The following DEPDC1B variants were observed in gnomAD, a reference collection of about 807,000 sequenced individuals.
The protein encoded by DEPDC1B is DEP domain-containing protein 1B.
Under a neutral mutation model 66.5 loss-of-function variants are expected in DEPDC1B, and 51 were observed. That is an observed-to-expected ratio of 0.77 (90% confidence interval 0.61 to 0.97). The LOEUF is 0.97. Among genes scored for constraint, DEPDC1B ranks in the 50% least tolerant of loss-of-function variants. The probability of loss-of-function intolerance (pLI) is 0.00; values close to 1 mark genes in which losing one functional copy is unlikely to be tolerated. For missense variants in DEPDC1B, 552 were observed against 637.1 expected (o/e 0.87, Z 1.44); for synonymous variants, 226 against 223.6 (o/e 1.01, Z -0.10).
At chr5:60,619,488 A>G (rs537166607) in intron 7 of DEPDC1B, among the ~76,000 whole-genome samples, 4 of 152,324 alleles carry the variant, frequency 2.6e-5, no homozygotes, top group African/African-American at 9.6e-5. Context: ...ATTCTTATAC[A>G]CCAATAACAG....
rs1161425274 is a variant in DEPDC1B at position 60,605,721 on chromosome 5, G to T, written c.1034C>A (p.Pro345His). 3 of 1,612,264 alleles carry T rather than the reference G, an allele frequency of 1.9e-6. No individual in the cohort carries two copies. The highest frequency in any genetic ancestry group is 3.3e-5 in the Admixed American group (2 of 59,908). ...TCGGGTACCAAAGCCATCACACAGG[G>T]GTGGCATCTCTTTGTTTAAGCAAAT... ...ARICLNKEMP[P>H]LCDGFGTRTL... Residue 345 changes from proline to histidine, a missense_variant, in exon 8 of 11, where the codon CCC (proline) becomes CAC (histidine). Transcript: ENST00000265036.
chr5:60,618,670 C>A (rs897846526), intron 7 of DEPDC1B, among the ~76,000 whole-genome samples: 8 of 152,232 alleles, frequency 5.3e-5, no homozygotes, highest in African/African-American at 1.4e-4. Flanking sequence ...AATAAAAGTC[C>A]AGGACCAGAC....
chr5:60,597,808 C>G lies in DEPDC1B; in HGVS notation c.1535G>C (p.Trp512Ser). 6.2e-7 allele frequency: 1 copy of G among 1,613,324 alleles called. No homozygotes were observed. The change falls in exon 11 of 11, where the codon TGG becomes TCG. Residue 512 changes from tryptophan to serine, a missense_variant. Trp to Ser is a radical substitution (Grantham distance 177). Transcript: ENST00000265036. ...TGGTTGGAAAGGCTTCTTTAGTGCC[C>G]ACATTAGCAGCTGTGGTTTCGGTTT... ...KPKPKPQLLMWALKKPFQPFQ... is the reference protein window; with the variant it reads ...KPKPKPQLLMSALKKPFQPFQ...
chr5:60,675,438 C>A (rs1754131775), intron 2 of DEPDC1B, among the ~76,000 whole-genome samples: 1 of 152,092 alleles, frequency 6.6e-6, no homozygotes. Flanking sequence ...TAGGAACAAA[C>A]CCATCACAAA....
chr5:60,604,218 C>CT (rs869142199), intron 8 of DEPDC1B, among the ~76,000 whole-genome samples: 1,236 of 68,926 alleles, frequency 0.018, 115 homozygotes, highest in African/African-American at 0.03. Flanking sequence ...ATTAACTATT[C>CT]TTTTTTTTTT....
Position 60,597,894 on chromosome 5 carries a change from T to C in DEPDC1B, c.1449A>G (p.Glu483=), listed in dbSNP as rs1179278296. ...GTGTAGGAAATCGTTCTTGATAGACTTCAGGATAGGATTTCTGAAACTAAA... is the reference window on the plus strand; with the variant it reads ...GTGTAGGAAATCGTTCTTGATAGACCTCAGGATAGGATTTCTGAAACTAAA... ...KLKQFQKSYP[E]VYQERFPTPE... is the part of the protein sequence containing the mutation. Residue 483 remains glutamate (E), a synonymous_variant, in exon 11 of 11, where the codon GAA becomes GAG. Transcript: ENST00000265036. 1.9e-6 allele frequency: 3 copies of C among 1,605,604 alleles called. No homozygotes were observed.
chr5:60,689,029 T>C, intron 1 of DEPDC1B: 1 of 456,250 alleles, frequency 2.2e-6, no homozygotes, highest in Non-Finnish European at 4.4e-6. Context: ...ACTGGACCAC[T>C]TCAGGATAAC....
chr5:60,628,588 G>C (rs1163062625), intron 7 of DEPDC1B: 1 of 152,088 alleles, frequency 6.6e-6, no homozygotes, highest in Non-Finnish European at 1.5e-5. Flanking sequence ...ACATCAATTA[G>C]TAAAAATTCT....
intron 2 of DEPDC1B, among the ~76,000 whole-genome samples, chr5:60,662,486 G>C (rs1050911972): frequency 6.6e-6 from 1 of 152,238 alleles, no homozygotes; most frequent in Non-Finnish European, 1.5e-5. Flanking sequence ...GAGATCAAGA[G>C]GAACAGGTGG....
intron 2 of DEPDC1B, among the ~76,000 whole-genome samples, chr5:60,677,494 G>C (rs1008910357): frequency 6.6e-6 from 1 of 151,904 alleles, no homozygotes; most frequent in Non-Finnish European, 1.5e-5. Context: ...GAACTAAAAA[G>C]GATCTTAAAG....
rs556463378 is a variant in DEPDC1B, at chr5:60,597,747, G to T, written c.*6C>A. 2.4e-5 allele frequency: 38 copies of T among 1,611,556 alleles called. No individual in the cohort carries two copies. The highest frequency in any genetic ancestry group is 3.2e-5 in the Non-Finnish European group (38 of 1,179,174). On this transcript the variant is annotated 3_prime_UTR_variant, in exon 11 of 11. Transcript: ENST00000265036. ...GTCTCTAGCACCTGTTGCTGTGGAA[G>T]TATTATTACATTCGAAAACTTCTAG...
chr5:60,697,195 G>A (rs1754675452), intron 1 of DEPDC1B, among the ~76,000 whole-genome samples: 3 of 152,170 alleles, frequency 2.0e-5, no homozygotes. Flanking sequence ...CATTTATCAT[G>A]AGTTGGGGCT....
intron 7 of DEPDC1B, among the ~76,000 whole-genome samples, chr5:60,610,540 TC>T (rs1294236069): frequency 6.6e-6 from 1 of 152,196 alleles, no homozygotes; most frequent in African/African-American, 2.4e-5. Flanking sequence ...CAGGTAAAAT[TC>T]CACAATGTCC....
chr5:60,616,867 A>G (rs965028365), intron 7 of DEPDC1B, among the ~76,000 whole-genome samples: 2 of 152,224 alleles, frequency 1.3e-5, no homozygotes, highest in African/African-American at 4.8e-5. Context: ...GAAGGAAAAA[A>G]TGTTAAGGGC....
chr5:60,660,509 A>G lies in DEPDC1B; in HGVS notation c.315-12976T>C, dbSNP rs1753689039. Among the ~76,000 whole-genome samples, 3 of 152,220 alleles carry G rather than the reference A, an allele frequency of 2.0e-5. No homozygotes were observed. The South Asian group carries it at 6.2e-4, about 31-fold the overall frequency. On this transcript the variant is annotated intron_variant, in intron 2 of 10. Transcript: ENST00000265036. The stretch of plus-strand genomic sequence containing the variant: ...TAGCCCAAAAGGACTGAGGCCACTG[A>G]CAACCCACAGCCTTCCTATCAAAAA...
chr5:60,671,315 C>G (rs893806085), intron 2 of DEPDC1B, among the ~76,000 whole-genome samples: 1 of 152,168 alleles, frequency 6.6e-6, no homozygotes, highest in East Asian at 1.9e-4. Context: ...TGTGGGCAAG[C>G]GGATCTGTGA....
rs372825735 is a variant in DEPDC1B, at chr5:60,667,747, T to A, written c.314+19215A>T. Reference sequence around the variant, plus strand: ...TACATATATATAAAAAATGGATATTTTACATATATATAAAAAATGGATATT... The same window carrying A: ...TACATATATATAAAAAATGGATATTATACATATATATAAAAAATGGATATT... On this transcript the variant is annotated intron_variant, in intron 2 of 10. Coordinates refer to ENST00000265036, the MANE Select transcript of DEPDC1B (RefSeq NM_018369.3). 1.9e-3 allele frequency among the ~76,000 whole-genome samples: 207 copies of A among 107,768 alleles called. 13 individuals are homozygous for A. Among genetic ancestry groups the A allele is most frequent in the African/African-American group, 5.2e-3 (161 of 31,046 alleles). The allele number at this position is 107,768 out of a possible 152,430, so 70.7% of individuals were successfully genotyped here. A position where few individuals can be genotyped will look rare whatever the true frequency, so the allele number is the denominator to read the frequency against.
chr5:60,667,747 T>TTACATATATAAAAAATGGATATTA (rs1753893714), intron 2 of DEPDC1B, among the ~76,000 whole-genome samples: 1 of 107,782 alleles, frequency 9.3e-6, no homozygotes, highest in Non-Finnish European at 2.0e-5. Flanking sequence ...AATGGATATT[T>TTACATATATAAAAAATGGATATTA]TACATATATA....
At chr5:60,649,069 A>G (rs1335778217) in intron 2 of DEPDC1B, among the ~76,000 whole-genome samples, 6 of 152,078 alleles carry the variant, frequency 3.9e-5, no homozygotes, top group Non-Finnish European at 4.4e-5. Flanking sequence ...CCATCCCACC[A>G]CTAATGCCCT....
Sources: allele counts gnomAD v4.1 joint callset (sites outside exome capture counted in the v4.1 genomes callset), GRCh38; gene constraint gnomAD v4.1.1; transcripts MANE v1.5; gene names NCBI Gene and HGNC (gene_info 2026-07-23, HGNC 2026-07-21).